RAB14: variants seen among roughly 807,000 people sequenced by gnomAD.
The protein encoded by RAB14 is RAB14, member RAS oncogene family.
RAB14 carries 3 observed loss-of-function variants against 31.1 expected under a neutral mutation model. The ratio of observed to expected loss-of-function variants is 0.10; its 90% CI spans 0.04 to 0.25. The LOEUF is 0.25. RAB14 is among the 10% of genes least tolerant of loss of function. The probability of loss-of-function intolerance (pLI) is 1.00; values close to 1 mark genes in which losing one functional copy is unlikely to be tolerated. For synonymous variants in RAB14, 85 were observed against 84.9 expected (o/e 1.00, Z 0.00); for missense variants, 111 against 260.1 (o/e 0.43, Z 3.94).
intron 1 of RAB14, among the ~76,000 whole-genome samples, chr9:121,195,693 C>T (rs1350468591): frequency 6.6e-6 from 1 of 152,060 alleles, no homozygotes; most frequent in Non-Finnish European, 1.5e-5. Flanking sequence ...ATTTTTCTTG[C>T]TCGTTTCTTT....
Position 121,179,661 on chromosome 9 carries a change from CAAAG to C in RAB14, c.*1731_*1734del, listed in dbSNP as rs1378047232. ...AAATCTTATTTTTTAAAAAGTTAAA[CAAAG>C]ACAAAAATAAAAATGAATCCACAAA... On this transcript the variant is annotated 3_prime_UTR_variant, in exon 8 of 8. Coordinates refer to ENST00000373840, the MANE Select transcript of RAB14 (RefSeq NM_016322.4). 1 of 152,076 alleles carries C rather than the reference CAAAG, an allele frequency of 6.6e-6. No homozygotes were observed. The highest frequency in any genetic ancestry group is 1.5e-5 in the Non-Finnish European group (1 of 67,698). 9.4% of individuals were successfully genotyped at this position (152,076 alleles called of 1,614,324 possible).
intron 4 of RAB14, among the ~76,000 whole-genome samples, chr9:121,187,351 C>G (rs2053664028): frequency 6.6e-6 from 1 of 152,012 alleles, no homozygotes; most frequent in Admixed American, 6.6e-5. Flanking sequence ...AGTCAAAACT[C>G]AAATTACTTT....
chr9:121,185,910 T>C (rs950437372), intron 5 of RAB14, among the ~76,000 whole-genome samples: 34 of 152,262 alleles, frequency 2.2e-4, no homozygotes, highest in African/African-American at 1.9e-4. Context: ...TTGGGTTTAA[T>C]GCGATAATGG....
chr9:121,199,916 CTCAT>C (rs2053746871), intron 1 of RAB14, among the ~76,000 whole-genome samples: 1 of 152,226 alleles, frequency 6.6e-6, no homozygotes, highest in African/African-American at 2.4e-5. Flanking sequence ...ATACTCCTCT[CTCAT>C]TCATTCAAAA....
At chr9:121,187,110 T>A in intron 4 of RAB14, 91 bp from the exon 5 acceptor site, 3 of 697,732 alleles carry the variant, frequency 4.3e-6, no homozygotes, top group Non-Finnish European at 6.4e-6. Context: ...CAACATATCC[T>A]AAAATAATAA....
intron 1 of RAB14, among the ~76,000 whole-genome samples, chr9:121,199,153 A>G (rs1358026992): frequency 6.6e-6 from 1 of 152,174 alleles, no homozygotes; most frequent in Non-Finnish European, 1.5e-5. Flanking sequence ...CTTACTGCTC[A>G]AGTTAAAAGG....
chr9:121,192,160 A>T lies in RAB14; in HGVS notation c.106+11T>A. The T allele has an allele frequency of 6.4e-7, 1 of 1,557,646 alleles. No individual in the cohort carries two copies. The highest frequency in any genetic ancestry group is 8.8e-7 in the Non-Finnish European group (1 of 1,132,788). ...AAAACTATTAATGTTTACCTCATGT[A>T]TTGAACTTACATTTTTTTTCTGTAA... is the stretch of plus-strand genomic sequence containing the variant. On this transcript the variant is annotated intron_variant, in intron 3 of 7. Transcript: ENST00000373840.
At position 121,180,526 on chromosome 9, in the gene RAB14, A is replaced by T. The variant is rs1296274337; in HGVS notation, c.*870T>A. On this transcript the variant is annotated 3_prime_UTR_variant, in exon 8 of 8. Transcript: ENST00000373840. ...AGCTCTTTCCAGCATAATGTCCCCA[A>T]ACACTGCCAGCACCAAGGGGTGGAG... 1 of 152,642 alleles carries T rather than the reference A, an allele frequency of 6.6e-6. No individual in the cohort carries two copies. Among genetic ancestry groups the T allele is most frequent in the Non-Finnish European group, 1.5e-5 (1 of 68,036 alleles). 9.5% of individuals were successfully genotyped at this position (152,642 alleles called of 1,614,324 possible). A position where few individuals can be genotyped will look rare whatever the true frequency, so the allele number is the denominator to read the frequency against.
At chr9:121,186,859 A>T in intron 5 of RAB14, 94 bp downstream of exon 5, 2 of 715,320 alleles carry the variant, frequency 2.8e-6, no homozygotes, top group South Asian at 2.9e-5. Context: ...CATTCTTAGT[A>T]CCTGAAGACA....
At position 121,181,275 on chromosome 9, in the gene RAB14, G is replaced by GT; in HGVS notation, c.*120dup. ...TGTGTTAAACTGTTTTTACAACAGAGTTTTTTCTTTTTTTTTAATTAAACC... is the reference window on the plus strand; with the variant it reads ...TGTGTTAAACTGTTTTTACAACAGAGTTTTTTTCTTTTTTTTTAATTAAACC... On this transcript the variant is annotated 3_prime_UTR_variant, in exon 8 of 8. Transcript: ENST00000373840. 2.7e-6 allele frequency: 3 copies of GT among 1,107,576 alleles called. No homozygotes were observed. In the South Asian group the frequency reaches 7.7e-5, roughly 28 times the overall value. 68.6% of individuals were successfully genotyped at this position (1,107,576 alleles called of 1,614,324 possible).
At chr9:121,192,106 T>C in intron 3 of RAB14, 65 bp downstream of exon 3, 2 of 1,282,250 alleles carry the variant, frequency 1.6e-6, no homozygotes, top group Non-Finnish European at 2.2e-6. Flanking sequence ...AAATGACACT[T>C]TCTAAAAAGT....
chr9:121,181,519 G>A lies in RAB14; in HGVS notation c.525C>T (p.Asn175=), dbSNP rs765091941. ...FLEAAKKIYQ[N]IQDGSLDLNA... The stretch of plus-strand genomic sequence containing the variant: ...TCAGATCCAAGCTTCCATCCTGAAT[G>A]TTCTGATAGATTTTCTTGGCAGCCT... Residue 175 remains asparagine (N), a synonymous_variant, in exon 8 of 8, where the codon AAC becomes AAT. Transcript: ENST00000373840. The A allele has an allele frequency of 1.2e-4, 186 of 1,612,978 alleles. No homozygotes were observed. The highest frequency in any genetic ancestry group is 1.6e-4 in the Middle Eastern group (1 of 6,078).
intron 1 of RAB14, among the ~76,000 whole-genome samples, chr9:121,194,769 A>G (rs188738408): frequency 7.8e-4 from 119 of 152,304 alleles, no homozygotes; most frequent in East Asian, 1.9e-4. Context: ...AAAGTTCTAT[A>G]TAACAACATT....
At chr9:121,184,154 C>T (rs1010324119) in intron 5 of RAB14, among the ~76,000 whole-genome samples, 1 of 152,076 alleles carries the variant, frequency 6.6e-6, no homozygotes, top group African/African-American at 2.4e-5. Context: ...CTATCCTACC[C>T]CACACTATCC....
At chr9:121,201,604 T>C (rs1423559299) in intron 1 of RAB14, 35 bp downstream of exon 1, 1 of 152,256 alleles carries the variant, frequency 6.6e-6, no homozygotes, top group Non-Finnish European at 1.5e-5. Flanking sequence ...CGAGGAGGTA[T>C]CAGCCGGCCG....
rs192075066 is a variant in RAB14 at position 121,194,283 on chromosome 9, G to T, written c.-7-864C>A. Among the ~76,000 whole-genome samples, 50 of 151,906 alleles carry T rather than the reference G, an allele frequency of 3.3e-4. 1 individual carries two copies. In the East Asian group the frequency reaches 9.1e-3, roughly 28 times the overall value. On this transcript the variant is annotated intron_variant, in intron 1 of 7. Transcript: ENST00000373840. ...AAGTGCTTCCCATACACTATTCTAG[G>T]GACTGAAAGAAATAATGTCATAAAA...
chr9:121,192,930 A>C (rs1316358020), intron 2 of RAB14, among the ~76,000 whole-genome samples: 1 of 152,176 alleles, frequency 6.6e-6, no homozygotes, highest in East Asian at 1.9e-4. Context: ...TTAAGGAAAA[A>C]AACACCAATT....
intron 1 of RAB14, among the ~76,000 whole-genome samples, chr9:121,195,543 C>G (rs1422380682): frequency 6.6e-6 from 1 of 152,094 alleles, no homozygotes; most frequent in African/African-American, 2.4e-5. Context: ...AATTATCATA[C>G]ATTCATTAAA....
intron 7 of RAB14, among the ~76,000 whole-genome samples, chr9:121,182,024 G>A (rs2053636331): frequency 6.6e-6 from 1 of 152,032 alleles, no homozygotes; most frequent in South Asian, 2.1e-4. Context: ...GGGATTACAG[G>A]TATGAGCCAC....
Sources: allele counts gnomAD v4.1 joint callset (sites outside exome capture counted in the v4.1 genomes callset), GRCh38; gene constraint gnomAD v4.1.1; transcripts MANE v1.5; gene names NCBI Gene and HGNC (gene_info 2026-07-23, HGNC 2026-07-21).